The following VSIG4 variants were observed in gnomAD, a reference collection of about 807,000 sequenced individuals.
VSIG4 encodes V-set and immunoglobulin domain-containing protein 4.
Under a neutral mutation model 23.4 loss-of-function variants are expected in VSIG4, and 34 were observed. The ratio of observed to expected loss-of-function variants is 1.45; its 90% CI spans 1.10 to 1.93. The LOEUF is 1.93. Among genes scored for constraint, VSIG4 ranks in the 30% most tolerant of loss-of-function variants. The probability of loss-of-function intolerance (pLI) is 0.00; values close to 1 mark genes in which losing one functional copy is unlikely to be tolerated. For missense variants in VSIG4, 433 were observed against 310.8 expected, an observed-to-expected ratio of 1.39 and a Z score of -2.96; for synonymous variants, 169 against 120.3, an observed-to-expected ratio of 1.41 and a Z score of -2.65.
At chrX:66,033,387 G>A in intron 2 of VSIG4, 87 bp downstream of exon 2, 2 of 857,093 alleles carry the variant, frequency 2.3e-6, no homozygotes, top group Non-Finnish European at 1.7e-6. Context: ...ATAAACGAAG[G>A]CCTCTGGATT....
chrX:66,032,506 G>T lies in VSIG4; in HGVS notation c.656C>A (p.Ser219Tyr). 1 of 1,211,918 alleles carries T rather than the reference G, an allele frequency of 8.3e-7. No individual in the cohort carries two copies. The highest frequency in any genetic ancestry group is 1.1e-6 in the Non-Finnish European group (1 of 895,530). The change falls in exon 3 of 8, where the codon TCT becomes TAT. Residue 219 changes from serine (S) to tyrosine (Y), a missense_variant. Transcript: ENST00000374737. Reference protein sequence around the residue: ...YFCTAKGQVGSEQHSDIVKFV... With the variant: ...YFCTAKGQVGYEQHSDIVKFV... Reference sequence around the variant, plus strand: ...CTTCACAATGTCGCTGTGCTGCTCAGAGCCAACCTGGCCCTTGGCAGTGCA... The same window carrying T: ...CTTCACAATGTCGCTGTGCTGCTCATAGCCAACCTGGCCCTTGGCAGTGCA...
intron 4 of VSIG4, 133 bp downstream of exon 4, chrX:66,027,917 C>T (rs759063371): frequency 1.7e-5 from 10 of 578,900 alleles, no homozygotes; most frequent in Admixed American, 3.0e-5. Context: ...GTTTCCATTC[C>T]TTTACTGCTA....
Position 66,028,679 on chromosome X carries a change from C to A in VSIG4, c.695-567G>T, listed in dbSNP as rs903518153. Reference sequence around the variant, plus strand: ...TTTGGTAAGAACAGCAAGCTTTGTGCTGTTTTAACTTCTCCTAGTCCCCTT... The same window carrying A: ...TTTGGTAAGAACAGCAAGCTTTGTGATGTTTTAACTTCTCCTAGTCCCCTT... On this transcript the variant is annotated intron_variant, in intron 3 of 7. Transcript: ENST00000374737. 2.9e-5 allele frequency among the ~76,000 whole-genome samples: 3 copies of A among 104,365 alleles called. No homozygotes were observed. The East Asian group carries it at 9.2e-4, about 32-fold the overall frequency. The allele number at this position is 104,365 out of a possible 115,157, so 90.6% of individuals were successfully genotyped here.
chrX:66,031,133 T>C (rs1320986837), intron 3 of VSIG4, among the ~76,000 whole-genome samples: 3 of 111,507 alleles, frequency 2.7e-5, no homozygotes, highest in African/African-American at 9.8e-5. Context: ...TGGCGAGCAC[T>C]GCTTAACAGC....
At chrX:66,027,351 C>A in intron 5 of VSIG4, 98 bp downstream of exon 5, 2 of 748,385 alleles carry the variant, frequency 2.7e-6, no homozygotes, top group East Asian at 3.5e-5. Flanking sequence ...TAATGATTTG[C>A]AGATTTCAAT....
At chrX:66,024,166 C>T (rs770092224) in intron 6 of VSIG4, among the ~76,000 whole-genome samples, 1 of 112,208 alleles carries the variant, frequency 8.9e-6, no homozygotes, top group East Asian at 2.8e-4. Flanking sequence ...GTGCACTGGG[C>T]ATTGAGAGAC....
At chrX:66,029,835 G>A (rs1399972081) in intron 3 of VSIG4, among the ~76,000 whole-genome samples, 5 of 111,256 alleles carry the variant, frequency 4.5e-5, no homozygotes, top group Non-Finnish European at 7.5e-5. Context: ...GCTGAAATTA[G>A]AAATGAAGCT....
Position 66,036,671 on chromosome X carries a change from AAT to A in VSIG4, c.56-2843_56-2842del, listed in dbSNP as rs1378627939. Among the ~76,000 whole-genome samples, 13 of 63,673 alleles carry A rather than the reference AAT, an allele frequency of 2.0e-4. No individual in the cohort carries two copies. The East Asian group carries it at 4.1e-3, about 20-fold the overall frequency. 55.3% of individuals were successfully genotyped at this position (63,673 alleles called of 115,157 possible). On this transcript the variant is annotated intron_variant, in intron 1 of 7. Coordinates refer to ENST00000374737, the MANE Select transcript of VSIG4 (RefSeq NM_007268.3). ...AATAATATAATATATAATATAATAT[AAT>A]ATATATAATACGATATATTATTAAT...
chrX:66,031,594 C>T (rs979395878), intron 3 of VSIG4, among the ~76,000 whole-genome samples: 1 of 111,081 alleles, frequency 9.0e-6, no homozygotes, highest in African/African-American at 3.3e-5. Flanking sequence ...GTTCTGAGGG[C>T]AATTCCCTAA....
rs372957035 is a variant in VSIG4, at chrX:66,025,006, T to C, written c.940+19A>G. On this transcript the variant is annotated intron_variant, in intron 6 of 7. Coordinates refer to ENST00000374737, the MANE Select transcript of VSIG4 (RefSeq NM_007268.3). ...AAGAACAAATGAGCCAAAGCCACCT[T>C]CTCATATTCATCACTAACCTTGTTG... is the stretch of plus-strand genomic sequence containing the variant. 168 of 1,122,805 alleles carry C rather than the reference T, an allele frequency of 1.5e-4. 2 individuals carry two copies. In the African/African-American group the frequency reaches 2.5e-3, roughly 16 times the overall value. The allele number at this position is 1,122,805 out of a possible 1,213,427, so 92.5% of individuals were successfully genotyped here.
chrX:66,027,647 C>G (rs1165063808), intron 4 of VSIG4, 121 bp from the exon 5 acceptor site: 1 of 547,207 alleles, frequency 1.8e-6, no homozygotes, highest in East Asian at 3.6e-5. Flanking sequence ...TCCAGGGTAC[C>G]TGACCATGTT....
At chrX:66,037,642 TTA>T (rs1411886734) in intron 1 of VSIG4, among the ~76,000 whole-genome samples, 1 of 84,261 alleles carries the variant, frequency 1.2e-5, no homozygotes, top group East Asian at 3.4e-4. Context: ...TATATAATAA[TTA>T]TATAATTATT....
intron 1 of VSIG4, among the ~76,000 whole-genome samples, chrX:66,036,237 T>C (rs1237622630): frequency 9.1e-6 from 1 of 110,028 alleles, no homozygotes; most frequent in Non-Finnish European, 1.9e-5. Context: ...TTATCTCCTC[T>C]TCCTCCTCCT....
intron 1 of VSIG4, among the ~76,000 whole-genome samples, chrX:66,038,792 A>G (rs1212855251): frequency 9.0e-6 from 1 of 111,386 alleles, no homozygotes; most frequent in Non-Finnish European, 1.9e-5. Flanking sequence ...CTGAGGTTCC[A>G]GAGTGTGATG....
At chrX:66,032,414 T>C in intron 3 of VSIG4, 54 bp downstream of exon 3, 1 of 1,167,377 alleles carries the variant, frequency 8.6e-7, no homozygotes, top group East Asian at 3.0e-5. Flanking sequence ...TTTTGAGGTA[T>C]CTTTGTTTCA....
At chrX:66,028,177 G>T in intron 3 of VSIG4, 65 bp from the exon 4 acceptor site, 1 of 1,017,363 alleles carries the variant, frequency 9.8e-7, no homozygotes. Context: ...TAATGCCCTA[G>T]GGAAATAGGA....
intron 2 of VSIG4, among the ~76,000 whole-genome samples, 167 bp downstream of exon 2, chrX:66,033,307 T>G (rs1380261245): frequency 9.0e-6 from 1 of 111,376 alleles, no homozygotes; most frequent in Non-Finnish European, 1.9e-5. Flanking sequence ...ACTATGGGAA[T>G]GCTGACCCTA....
intron 3 of VSIG4, among the ~76,000 whole-genome samples, chrX:66,031,961 C>A (rs1435151761): frequency 9.0e-6 from 1 of 111,588 alleles, no homozygotes; most frequent in Non-Finnish European, 1.9e-5. Flanking sequence ...AACACACAAA[C>A]AAAAAACAAC....
intron 6 of VSIG4, 93 bp from the exon 7 acceptor site, chrX:66,022,955 AGGGT>A: frequency 1.0e-6 from 1 of 968,141 alleles, no homozygotes; most frequent in Non-Finnish European, 1.5e-6. Context: ...AGATGAGGGA[AGGGT>A]ACAGAGGAGG....
Sources: allele counts gnomAD v4.1 joint callset (sites outside exome capture counted in the v4.1 genomes callset), GRCh38; gene constraint gnomAD v4.1.1; transcripts MANE v1.5; gene names NCBI Gene and HGNC (gene_info 2026-07-23, HGNC 2026-07-21).